The following TLN2 variants were observed in gnomAD, a reference collection of about 807,000 sequenced individuals.
The protein encoded by TLN2 is talin 2, also known as talin-2.
A neutral mutation model predicts 294.7 loss-of-function variants in TLN2; 118 were observed. The ratio of observed to expected loss-of-function variants is 0.40; its 90% confidence interval spans 0.34 to 0.47. The LOEUF (loss-of-function observed/expected upper bound fraction) is 0.47. TLN2 is among the 20% of genes least tolerant of loss of function. The probability of loss-of-function intolerance (pLI) is 0.84; values close to 1 mark genes in which losing one functional copy is unlikely to be tolerated. For synonymous variants in TLN2, 1,431 were observed against 1,304.5 expected (o/e 1.10, Z -2.09); for missense variants, 3,083 against 3,282.2 (o/e 0.94, Z 1.48).
intron 35 of TLN2, 81 bp from the exon 36 acceptor site, chr15:62,753,692 T>G: frequency 6.7e-7 from 1 of 1,481,828 alleles, no homozygotes; most frequent in Non-Finnish European, 9.0e-7. Context: ...GACAGCTGCA[T>G]GTGTAGTGCG....
intron 57 of TLN2, chr15:62,838,003 T>C (rs1480899293): frequency 6.6e-6 from 1 of 152,090 alleles, no homozygotes; most frequent in East Asian, 1.9e-4. Context: ...ATTCCAAACC[T>C]CAGCTGGCAT....
intron 12 of TLN2, among the ~76,000 whole-genome samples, chr15:62,689,893 T>C (rs12906412): frequency 0.56 from 2,601 of 4,672 alleles, 931 homozygotes; most frequent in Middle Eastern, 1. Flanking sequence ...CTGACCCCCC[T>C]TCCTCCCTCC....
intron 1 of TLN2, among the ~76,000 whole-genome samples, chr15:62,391,418 C>T (rs1036624071): frequency 1.7e-4 from 26 of 152,272 alleles, no homozygotes; most frequent in Non-Finnish European, 3.2e-4. Context: ...GCTCCCTCTC[C>T]TTCCTCGGTC....
intron 1 of TLN2, among the ~76,000 whole-genome samples, chr15:62,468,130 T>A (rs1254039543): frequency 6.6e-6 from 1 of 150,674 alleles, no homozygotes; most frequent in African/African-American, 2.5e-5. Flanking sequence ...ATTAAATAAA[T>A]TTTTAAATTT....
rs200522709 is a variant in TLN2 at position 62,544,844 on chromosome 15, G to A, written c.-237-44843G>A. ...TCAGGATTAGCTAACTTTATTCTTA[G>A]TTTTTTTTTCCTTATCAATGCTAGT... is the stretch of plus-strand genomic sequence containing the variant. On this transcript the variant is annotated intron_variant, in intron 1 of 58. Coordinates refer to ENST00000636159, the MANE Select transcript of TLN2 (RefSeq NM_015059.3). Among the ~76,000 whole-genome samples the A allele has an allele frequency of 8.7e-5, 13 of 149,296 alleles. No individual in the cohort carries two copies. In the East Asian group the frequency reaches 2.2e-3, roughly 25 times the overall value.
At chr15:62,695,542 T>A (rs551470907) in intron 14 of TLN2, among the ~76,000 whole-genome samples, 7 of 152,344 alleles carry the variant, frequency 4.6e-5, no homozygotes, top group Non-Finnish European at 1.0e-4. Flanking sequence ...GATCTTGCGA[T>A]GTTTCCCATA....
intron 1 of TLN2, among the ~76,000 whole-genome samples, chr15:62,523,916 G>T (rs1031451422): frequency 2.0e-5 from 3 of 152,172 alleles, no homozygotes; most frequent in Non-Finnish European, 4.4e-5. Context: ...TGAACATACC[G>T]ATCCCAGCTG....
At chr15:62,611,159 C>G (rs2047881917) in intron 2 of TLN2, among the ~76,000 whole-genome samples, 1 of 152,160 alleles carries the variant, frequency 6.6e-6, no homozygotes, top group African/African-American at 2.4e-5. Context: ...GCGATATTAA[C>G]ATATTTATAA....
At chr15:62,744,798 G>A (rs147838955) in intron 32 of TLN2, among the ~76,000 whole-genome samples, 42 of 152,214 alleles carry the variant, frequency 2.8e-4, no homozygotes, top group African/African-American at 8.9e-4. Context: ...CACCCACCTC[G>A]GCCTCCCAAA....
intron 1 of TLN2, among the ~76,000 whole-genome samples, chr15:62,519,594 G>A (rs1461378990): frequency 6.6e-6 from 1 of 152,180 alleles, no homozygotes; most frequent in African/African-American, 2.4e-5. Context: ...GCTGATACAG[G>A]GTATGCCAGC....
chr15:62,835,355 T>C (rs2069397970), intron 55 of TLN2: 1 of 243,628 alleles, frequency 4.1e-6, no homozygotes, highest in African/African-American at 2.2e-5. Flanking sequence ...AAATTTCTCT[T>C]AGCCCTTGAA....
intron 1 of TLN2, among the ~76,000 whole-genome samples, chr15:62,578,750 G>A (rs2044658923): frequency 2.6e-5 from 4 of 152,228 alleles, no homozygotes; most frequent in Admixed American, 2.6e-4. Context: ...CTGTGCTCGT[G>A]TGTCCCTCGC....
intron 1 of TLN2, among the ~76,000 whole-genome samples, chr15:62,529,101 T>TG (rs2040893588): frequency 1.3e-5 from 2 of 149,558 alleles, no homozygotes; most frequent in African/African-American, 5.1e-5. Flanking sequence ...GGGCTTTTTT[T>TG]TTTTGTGTGT....
intron 19 of TLN2, among the ~76,000 whole-genome samples, chr15:62,703,222 C>A (rs1434808305): frequency 6.6e-6 from 1 of 151,810 alleles, no homozygotes; most frequent in Non-Finnish European, 1.5e-5. Context: ...CCTGCCTTAA[C>A]CTCCTGAGTA....
chr15:62,827,463 G>GTGAC (rs1265521552), intron 54 of TLN2, among the ~76,000 whole-genome samples: 1 of 152,296 alleles, frequency 6.6e-6, no homozygotes, highest in African/African-American at 2.4e-5. Flanking sequence ...TGCTCCTCCA[G>GTGAC]TGACAGAAAA....
At chr15:62,403,004 C>A (rs1032927260) in intron 1 of TLN2, among the ~76,000 whole-genome samples, 17 of 152,112 alleles carry the variant, frequency 1.1e-4, no homozygotes, top group African/African-American at 4.1e-4. Flanking sequence ...CTTTGGGAGG[C>A]TGAGGTGGGC....
At chr15:62,575,308 A>T (rs994677602) in intron 1 of TLN2, among the ~76,000 whole-genome samples, 2 of 152,224 alleles carry the variant, frequency 1.3e-5, no homozygotes, top group African/African-American at 4.8e-5. Context: ...TGACAGAGCA[A>T]GACCCTATCT....
rs1435768403 is a variant in TLN2 at position 62,701,097 on chromosome 15, G to T, written c.1588-9G>T. ...TGTGATTGTGTTGTGCCGTTGTCTG[G>T]CTTTGCAGGCATCTAGGGTATGGGT... On this transcript the variant is annotated splice_polypyrimidine_tract_variant and intron_variant, in intron 16 of 58. Coordinates refer to ENST00000636159, the MANE Select transcript of TLN2 (RefSeq NM_015059.3). 6.2e-7 allele frequency: 1 copy of T among 1,612,588 alleles called. No homozygotes were observed. The highest frequency in any genetic ancestry group is 1.7e-5 in the Admixed American group (1 of 59,816).
intron 9 of TLN2, among the ~76,000 whole-genome samples, chr15:62,666,109 C>G (rs1010676687): frequency 1.3e-5 from 2 of 152,166 alleles, no homozygotes; most frequent in Non-Finnish European, 2.9e-5. Flanking sequence ...TGAGCTGTCT[C>G]TGAGTTCCTG....
Sources: gnomAD v4.1 joint callset for allele counts (sites outside exome capture counted in the v4.1 genomes callset) on GRCh38, gnomAD v4.1.1 for gene constraint, MANE v1.5 for transcripts, NCBI Gene and HGNC (gene_info 2026-07-23, HGNC 2026-07-21) for gene names.